The following ARHGAP17 variants were observed in gnomAD, a reference collection of about 807,000 sequenced individuals.
ARHGAP17 encodes rho GTPase-activating protein 17.
ARHGAP17 carries 57 observed loss-of-function variants against 99.5 expected under a neutral mutation model. The ratio of observed to expected loss-of-function variants is 0.57; its 90% CI spans 0.46 to 0.71. The LOEUF (loss-of-function observed/expected upper bound fraction) is 0.71. Among genes scored for constraint, ARHGAP17 ranks in the 30% least tolerant of loss-of-function variants. ARHGAP17 has a pLI of 0.00. For missense variants in ARHGAP17, 1,000 were observed against 1,122.4 expected, an observed-to-expected ratio of 0.89 and a Z score of 1.56; for synonymous variants, 417 against 429.6, an observed-to-expected ratio of 0.97 and a Z score of 0.36.
chr16:24,954,797 C>T (rs2051757548), intron 9 of ARHGAP17, 67 bp from the exon 10 acceptor site: 6 of 1,589,620 alleles, frequency 3.8e-6, no homozygotes, highest in Non-Finnish European at 5.1e-6. Context: ...ATTTTCTCCC[C>T]AACTACCCAA....
chr16:24,991,780 C>G (rs953606097), intron 1 of ARHGAP17, among the ~76,000 whole-genome samples: 2 of 152,154 alleles, frequency 1.3e-5, no homozygotes, highest in African/African-American at 4.8e-5. Flanking sequence ...AACCATCCAT[C>G]CGAGGATGGA....
intron 3 of ARHGAP17, among the ~76,000 whole-genome samples, chr16:24,973,167 T>C (rs1267798639): frequency 3.3e-5 from 5 of 152,242 alleles, no homozygotes; most frequent in Admixed American, 1.3e-4. Flanking sequence ...AAAGACTTAA[T>C]TTGTAAAATG....
At chr16:24,996,321 T>C (rs1268555505) in intron 1 of ARHGAP17, among the ~76,000 whole-genome samples, 1 of 152,192 alleles carries the variant, frequency 6.6e-6, no homozygotes, top group Non-Finnish European at 1.5e-5. Flanking sequence ...GCTCATATTA[T>C]AAAATCAACT....
Position 24,947,551 on chromosome 16 carries a change from A to C in ARHGAP17, c.1172T>G (p.Val391Gly). The C allele has an allele frequency of 6.2e-7, 1 of 1,613,492 alleles. No individual in the cohort carries two copies. The highest frequency in any genetic ancestry group is 1.1e-5 in the South Asian group (1 of 91,084). Residue 391 changes from valine to glycine, a missense_variant, in exon 14 of 20, where the codon GTG becomes GGG. Transcript: ENST00000289968. ...FLAKLAQTSD[V>G]NKMTPSNIAI... is the part of the protein sequence containing the mutation. Reference sequence around the variant, plus strand: ...AATGTTGCTGGGAGTCATTTTATTCACATCGCTGGTCTGAGCAAGCTTTGC... The same window carrying C: ...AATGTTGCTGGGAGTCATTTTATTCCCATCGCTGGTCTGAGCAAGCTTTGC...
chr16:24,977,262 C>T lies in ARHGAP17; in HGVS notation c.151G>A (p.Val51Met). The change falls in exon 3 of 20, where the codon GTG becomes ATG. Residue 51 changes from valine (V) to methionine (M), a missense_variant. Coordinates refer to ENST00000289968, the MANE Select transcript of ARHGAP17 (RefSeq NM_001006634.3). ...SICHHSHKRL[V>M]ACFQGQHGTD... ...CCATGCTGGCCCTGGAAACATGCCACCAAGCGCTTATGGGAATGGTGGCAT... is the reference window on the plus strand; with the variant it reads ...CCATGCTGGCCCTGGAAACATGCCATCAAGCGCTTATGGGAATGGTGGCAT... The T allele has an allele frequency of 6.3e-7, 1 of 1,596,960 alleles. No homozygotes were observed. The highest frequency in any genetic ancestry group is 8.6e-7 in the Non-Finnish European group (1 of 1,168,346).
chr16:24,984,043 A>G (rs2052781281), intron 1 of ARHGAP17, among the ~76,000 whole-genome samples: 1 of 152,220 alleles, frequency 6.6e-6, no homozygotes, highest in African/African-American at 2.4e-5. Context: ...AAATGTTTTC[A>G]ATCTGGAGTA....
At chr16:24,993,335 C>T (rs978865336) in intron 1 of ARHGAP17, among the ~76,000 whole-genome samples, 1 of 152,040 alleles carries the variant, frequency 6.6e-6, no homozygotes, top group Non-Finnish European at 1.5e-5. Context: ...CCTGTAATCC[C>T]AGCACTTTGG....
intron 19 of ARHGAP17, chr16:24,929,577 G>C: frequency 1.0e-6 from 1 of 987,200 alleles, no homozygotes; most frequent in Non-Finnish European, 1.2e-6. Flanking sequence ...GCTGTGGGGC[G>C]AGCTATGGGG....
intron 1 of ARHGAP17, among the ~76,000 whole-genome samples, chr16:24,979,704 T>TTTATTATTATTATTATTATTA (rs532237734): frequency 1.4e-4 from 21 of 150,594 alleles, no homozygotes; most frequent in African/African-American, 4.9e-4. Flanking sequence ...TAATTTTTAT[T>TTTATTATTATTATTATTATTA]TTATTATTAT....
In ARHGAP17 at chr16:24,996,587, C is replaced by G. The variant is rs1206204579; in HGVS notation, c.54-17582G>C. 3.9e-5 allele frequency among the ~76,000 whole-genome samples: 6 copies of G among 152,106 alleles called. No individual in the cohort carries two copies. In the East Asian group the frequency reaches 1.2e-3, roughly 29 times the overall value. On this transcript the variant is annotated intron_variant, in intron 1 of 19. Transcript: ENST00000289968. ...TGTTCAGAAGGTGCCCTCCCTCTAC[C>G]CCAAGCAAGGTGCTAGCTCCTTGTA...
intron 1 of ARHGAP17, among the ~76,000 whole-genome samples, chr16:24,994,272 C>T (rs1462702380): frequency 1.3e-5 from 2 of 152,160 alleles, no homozygotes; most frequent in Non-Finnish European, 2.9e-5. Flanking sequence ...TACCTTAAAA[C>T]AGAAATCTGA....
At chr16:25,008,390 T>C (rs2053560820) in intron 1 of ARHGAP17, among the ~76,000 whole-genome samples, 1 of 152,234 alleles carries the variant, frequency 6.6e-6, no homozygotes. Context: ...TTATTACTTT[T>C]AGAAAAATCT....
chr16:24,978,092 G>A (rs2052571546), intron 2 of ARHGAP17, among the ~76,000 whole-genome samples: 1 of 152,284 alleles, frequency 6.6e-6, no homozygotes, highest in East Asian at 1.9e-4. Flanking sequence ...AGATTTAGGA[G>A]CAGATTCCAC....
chr16:25,008,613 T>C (rs1479946018), intron 1 of ARHGAP17, among the ~76,000 whole-genome samples: 1 of 152,190 alleles, frequency 6.6e-6, no homozygotes, highest in Admixed American at 6.5e-5. Context: ...TGAAACATCC[T>C]GTGGTCTGAC....
At chr16:25,005,214 C>G (rs926426805) in intron 1 of ARHGAP17, among the ~76,000 whole-genome samples, 3 of 152,190 alleles carry the variant, frequency 2.0e-5, no homozygotes, top group Non-Finnish European at 2.9e-5. Context: ...CCATACCCAG[C>G]CTGAATATTG....
intron 6 of ARHGAP17, among the ~76,000 whole-genome samples, chr16:24,965,456 C>T (rs2052151295): frequency 6.6e-6 from 1 of 152,134 alleles, no homozygotes; most frequent in Non-Finnish European, 1.5e-5. Context: ...AGCCTGGGGA[C>T]AGAGTGAGAC....
intron 1 of ARHGAP17, among the ~76,000 whole-genome samples, chr16:25,006,038 C>T (rs1420967761): frequency 1.3e-5 from 2 of 152,092 alleles, no homozygotes; most frequent in Non-Finnish European, 2.9e-5. Flanking sequence ...CAGCTATAAT[C>T]ATTAAAATGG....
chr16:25,009,693 A>AAT (rs2053595007), intron 1 of ARHGAP17, among the ~76,000 whole-genome samples: 2 of 152,166 alleles, frequency 1.3e-5, no homozygotes, highest in Non-Finnish European at 1.5e-5. Flanking sequence ...AGAGGTCATT[A>AAT]GATCTCTGTG....
At chr16:25,009,684 G>C (rs1312156011) in intron 1 of ARHGAP17, among the ~76,000 whole-genome samples, 1 of 152,142 alleles carries the variant, frequency 6.6e-6, no homozygotes, top group Non-Finnish European at 1.5e-5. Context: ...AAGACTCCTA[G>C]AGGTCATTAG....
Sources: gnomAD v4.1 joint callset for allele counts (sites outside exome capture counted in the v4.1 genomes callset) on GRCh38, gnomAD v4.1.1 for gene constraint, MANE v1.5 for transcripts, NCBI Gene and HGNC (gene_info 2026-07-23, HGNC 2026-07-21) for gene names.